Variants in PTPRT observed in about 807,000 individuals in gnomAD.
PTPRT encodes the protein protein tyrosine phosphatase receptor type T.
Under a neutral mutation model 176.8 loss-of-function variants are expected in PTPRT, and 56 were observed. The ratio of observed to expected loss-of-function variants is 0.32; its 90% CI spans 0.26 to 0.40. The LOEUF is 0.40. PTPRT is among the 10% of genes least tolerant of loss of function. The pLI, the probability that PTPRT is intolerant of heterozygous loss-of-function variation, is 1.00. For missense variants in PTPRT, 1,540 were observed against 1,908.2 expected (o/e 0.81, Z 3.60); for synonymous variants, 783 against 739.0 (o/e 1.06, Z -0.96).
At chr20:42,593,527 T>C (rs2073616560) in intron 7 of PTPRT, among the ~76,000 whole-genome samples, 1 of 152,184 alleles carries the variant, frequency 6.6e-6, no homozygotes, top group Admixed American at 6.5e-5. Context: ...GGCGAGCTCA[T>C]TTATCTAATC....
At chr20:42,190,170 C>G (rs1164524722) in intron 16 of PTPRT, among the ~76,000 whole-genome samples, 1 of 152,142 alleles carries the variant, frequency 6.6e-6, no homozygotes, top group Non-Finnish European at 1.5e-5. Flanking sequence ...CTTGGAGCAA[C>G]CTGAAAATAT....
chr20:42,379,444 A>C (rs2058679611), intron 9 of PTPRT, among the ~76,000 whole-genome samples: 1 of 152,240 alleles, frequency 6.6e-6, no homozygotes, highest in Admixed American at 6.5e-5. Context: ...CACCCTAATC[A>C]TCATCTCATG....
chr20:42,050,038 G>C, the PTPRT span, among the ~76,000 whole-genome samples: 1 of 152,140 alleles, frequency 6.6e-6, no homozygotes, highest in Admixed American at 6.5e-5. Flanking sequence ...TTTTTCCCAG[G>C]GCTCTTCCAC....
intron 1 of PTPRT, among the ~76,000 whole-genome samples, chr20:43,010,719 C>T (rs1201975647): frequency 1.4e-5 from 2 of 146,284 alleles, no homozygotes; most frequent in Admixed American, 1.4e-4. Context: ...CATGAATCCA[C>T]CACTTGCAAG....
chr20:42,697,942 T>G (rs903443436), intron 6 of PTPRT, among the ~76,000 whole-genome samples: 1 of 152,222 alleles, frequency 6.6e-6, no homozygotes. Context: ...TAAAGCCACA[T>G]ATAACAAAGA....
intron 11 of PTPRT, among the ~76,000 whole-genome samples, chr20:42,350,219 T>G (rs1195470066): frequency 8.5e-5 from 4 of 47,084 alleles, no homozygotes; most frequent in African/African-American, 3.4e-4. Context: ...TTCTTGTTTT[T>G]TTTTTTTTTT....
intron 7 of PTPRT, among the ~76,000 whole-genome samples, chr20:42,479,074 TG>T (rs1251839966): frequency 1.3e-5 from 2 of 152,188 alleles, no homozygotes. Context: ...CTCCCTTTTT[TG>T]TTCTGTATGG....
Position 42,095,728 on chromosome 20 carries a change from G to T in PTPRT, c.3846+2693C>A, listed in dbSNP as rs546822898. Among the ~76,000 whole-genome samples, 4 of 152,338 alleles carry T rather than the reference G, an allele frequency of 2.6e-5. No individual in the cohort carries two copies. The East Asian group carries it at 5.8e-4, about 22-fold the overall frequency. On this transcript the variant is annotated intron_variant, in intron 27 of 30. Transcript: ENST00000373187. Reference sequence around the variant, plus strand: ...ATTATCTGTCTCCTGCTTTAGAAGAGAAGTTGCATGAGAGATGGCAATTTT... The same window carrying T: ...ATTATCTGTCTCCTGCTTTAGAAGATAAGTTGCATGAGAGATGGCAATTTT...
At chr20:42,452,573 C>T (rs558400729) in intron 8 of PTPRT, among the ~76,000 whole-genome samples, 3 of 152,094 alleles carry the variant, frequency 2.0e-5, no homozygotes, top group East Asian at 1.9e-4. Context: ...AGAAGGCAAG[C>T]AGAATAGAGA....
intron 7 of PTPRT, among the ~76,000 whole-genome samples, chr20:42,556,358 G>T (rs1157641969): frequency 6.6e-6 from 1 of 152,096 alleles, no homozygotes; most frequent in Non-Finnish European, 1.5e-5. Flanking sequence ...TGTGAGACAG[G>T]GCAGGATGGT....
chr20:42,229,852 G>T (rs2056098106), intron 15 of PTPRT, among the ~76,000 whole-genome samples: 1 of 151,808 alleles, frequency 6.6e-6, no homozygotes, highest in African/African-American at 2.4e-5. Flanking sequence ...AAAAAATGAT[G>T]TCATTTTTTT....
chr20:42,144,849 C>A (rs1042808294), intron 17 of PTPRT, among the ~76,000 whole-genome samples: 1 of 152,180 alleles, frequency 6.6e-6, no homozygotes, highest in Non-Finnish European at 1.5e-5. Flanking sequence ...CCCATCTATT[C>A]CTTACTAGGT....
chr20:42,506,086 A>G (rs1367262721), intron 7 of PTPRT, among the ~76,000 whole-genome samples: 1 of 152,180 alleles, frequency 6.6e-6, no homozygotes, highest in Admixed American at 6.5e-5. Flanking sequence ...CTCAATGGGA[A>G]GAACACATTT....
chr20:42,354,124 TG>T lies in PTPRT; in HGVS notation c.1561-1840del, dbSNP rs539920854. ...AAAAGCATAACTCTTGATGAATTTTTGAAAACTGGATACAGTCATATAATCA... is the reference window on the plus strand; with the variant it reads ...AAAAGCATAACTCTTGATGAATTTTTAAAACTGGATACAGTCATATAATCA... On this transcript the variant is annotated intron_variant, in intron 9 of 30. Coordinates refer to ENST00000373187, the MANE Select transcript of PTPRT (RefSeq NM_007050.6). Among the ~76,000 whole-genome samples the T allele has an allele frequency of 4.0e-3, 616 of 152,278 alleles. 3 individuals carry two copies. The highest frequency in any genetic ancestry group is 0.014 in the African/African-American group (589 of 41,550).
At chr20:42,256,877 G>T (rs1422279492) in intron 13 of PTPRT, among the ~76,000 whole-genome samples, 1 of 152,202 alleles carries the variant, frequency 6.6e-6, no homozygotes, top group Admixed American at 6.5e-5. Flanking sequence ...GTGGAACTCT[G>T]GTAGACCCAT....
chr20:42,035,825 C>G, the PTPRT span, among the ~76,000 whole-genome samples: 3 of 152,176 alleles, frequency 2.0e-5, no homozygotes, highest in Non-Finnish European at 4.4e-5. Flanking sequence ...TTATGCATCC[C>G]TTAAACTAGA....
At chr20:42,429,794 G>A (rs576208292) in intron 9 of PTPRT, among the ~76,000 whole-genome samples, 6 of 152,296 alleles carry the variant, frequency 3.9e-5, no homozygotes, top group South Asian at 2.1e-4. Context: ...TCCAGGTGCC[G>A]AGGGTCAAAA....
chr20:42,548,426 T>C (rs2072712529), intron 7 of PTPRT, among the ~76,000 whole-genome samples: 1 of 152,138 alleles, frequency 6.6e-6, no homozygotes, highest in Admixed American at 6.6e-5. Flanking sequence ...GATGGACAGA[T>C]TTGTAGATAT....
chr20:42,305,460 T>C (rs1020280706), intron 12 of PTPRT, among the ~76,000 whole-genome samples: 3 of 151,308 alleles, frequency 2.0e-5, no homozygotes, highest in Non-Finnish European at 1.5e-5. Flanking sequence ...TTTATGTGTA[T>C]ATGCACATAT....
Sources: allele counts gnomAD v4.1 joint callset (sites outside exome capture counted in the v4.1 genomes callset), GRCh38; gene constraint gnomAD v4.1.1; transcripts MANE v1.5; gene names NCBI Gene and HGNC (gene_info 2026-07-23, HGNC 2026-07-21).